Variants in CNTN4 observed in about 807,000 individuals in gnomAD.
CNTN4 encodes contactin-4.
Under a neutral mutation model 122.5 loss-of-function variants are expected in CNTN4, and 77 were observed. The observed-to-expected ratio is 0.63, with a 90% CI of 0.52 to 0.76. The LOEUF is 0.76. CNTN4 is among the 30% of genes least tolerant of loss of function. The pLI is 0.00. For missense variants in CNTN4, 1,256 were observed against 1,259.1 expected (o/e 1.00, Z 0.04); for synonymous variants, 512 against 447.0 (o/e 1.15, Z -1.83).
chr3:2,715,958 A>AT (rs1273048063), intron 4 of CNTN4, among the ~76,000 whole-genome samples: 1 of 152,008 alleles, frequency 6.6e-6, no homozygotes, highest in Non-Finnish European at 1.5e-5. Context: ...ACATGTTTTA[A>AT]TTTTATTTGT....
intron 3 of CNTN4, among the ~76,000 whole-genome samples, chr3:2,381,181 T>G (rs2046006298): frequency 6.6e-6 from 1 of 152,076 alleles, no homozygotes; most frequent in Non-Finnish European, 1.5e-5. Flanking sequence ...AATTTTTTTG[T>G]ATTTTTAGTA....
chr3:2,476,084 A>G (rs1217189644), intron 3 of CNTN4, among the ~76,000 whole-genome samples: 1 of 152,208 alleles, frequency 6.6e-6, no homozygotes, highest in Admixed American at 6.5e-5. Flanking sequence ...ACAAAAAATT[A>G]ATATCCCTTT....
At chr3:2,608,959 C>G (rs927905890) in intron 4 of CNTN4, among the ~76,000 whole-genome samples, 7 of 152,202 alleles carry the variant, frequency 4.6e-5, no homozygotes, top group African/African-American at 9.7e-5. Flanking sequence ...AGAGTCTGGT[C>G]TTGTTCTCCT....
At chr3:2,916,751 G>A (rs1397326809) in intron 12 of CNTN4, among the ~76,000 whole-genome samples, 1 of 143,540 alleles carries the variant, frequency 7.0e-6, no homozygotes, top group Non-Finnish European at 1.5e-5. Context: ...CGGGCAGAGG[G>A]GCTCCTCACT....
At chr3:2,851,126 A>AT (rs995020411) in intron 7 of CNTN4, among the ~76,000 whole-genome samples, 9 of 152,246 alleles carry the variant, frequency 5.9e-5, no homozygotes, top group African/African-American at 2.2e-4. Context: ...CAGAGGGATA[A>AT]TTAACACTTA....
At chr3:2,677,564 A>T (rs2084942172) in intron 4 of CNTN4, among the ~76,000 whole-genome samples, 1 of 151,952 alleles carries the variant, frequency 6.6e-6, no homozygotes, top group African/African-American at 2.4e-5. Flanking sequence ...GTTTATCTTA[A>T]CAGGAGCTTT....
chr3:2,164,775 C>CA (rs1419409610), intron 2 of CNTN4, among the ~76,000 whole-genome samples: 1 of 152,018 alleles, frequency 6.6e-6, no homozygotes, highest in East Asian at 1.9e-4. Flanking sequence ...TCTCACCAGA[C>CA]ACAGTTTGCT....
intron 4 of CNTN4, among the ~76,000 whole-genome samples, chr3:2,629,185 A>G (rs2600320): frequency 0.3 from 45,020 of 151,854 alleles, 7,181 homozygotes; most frequent in African/African-American, 0.42. Flanking sequence ...AAGGGGAAGG[A>G]ACATCAGGGA....
chr3:2,583,965 C>T (rs532978895), intron 4 of CNTN4, among the ~76,000 whole-genome samples: 1 of 152,226 alleles, frequency 6.6e-6, no homozygotes, highest in South Asian at 2.1e-4. Flanking sequence ...TTGGTACAGC[C>T]CACAGTGGAT....
At chr3:2,934,075 C>CA (rs1467097877) in intron 13 of CNTN4, among the ~76,000 whole-genome samples, 9 of 152,160 alleles carry the variant, frequency 5.9e-5, no homozygotes, top group Middle Eastern at 3.4e-3. Context: ...CCAAGACCCT[C>CA]AAAAAAATAA....
At chr3:2,305,676 A>G (rs1320018280) in intron 2 of CNTN4, among the ~76,000 whole-genome samples, 4 of 152,180 alleles carry the variant, frequency 2.6e-5, no homozygotes, top group Admixed American at 6.5e-5. Context: ...TTTTTAAAGT[A>G]CGCAAGTCAG....
intron 4 of CNTN4, among the ~76,000 whole-genome samples, chr3:2,591,071 T>C (rs577512320): frequency 8.5e-5 from 13 of 152,272 alleles, no homozygotes; most frequent in South Asian, 6.2e-4. Flanking sequence ...ACCATCACAA[T>C]ATTTCTTACA....
At chr3:2,798,126 T>C (rs1451252733) in intron 6 of CNTN4, among the ~76,000 whole-genome samples, 2 of 150,076 alleles carry the variant, frequency 1.3e-5, no homozygotes, top group South Asian at 2.1e-4. Context: ...TCTATGTTGA[T>C]ATGTACACAC....
intron 6 of CNTN4, among the ~76,000 whole-genome samples, chr3:2,811,540 A>G (rs1194038926): frequency 6.6e-6 from 1 of 151,226 alleles, no homozygotes; most frequent in Non-Finnish European, 1.5e-5. Context: ...AGCTCACTGC[A>G]AGCTCCACCT....
chr3:2,338,725 GAA>G (rs1244247453), intron 2 of CNTN4, among the ~76,000 whole-genome samples: 1 of 152,072 alleles, frequency 6.6e-6, no homozygotes, highest in Non-Finnish European at 1.5e-5. Context: ...CAATTTATGT[GAA>G]GAGTGTTTGT....
chr3:2,843,921 C>T (rs1350127668), intron 7 of CNTN4, among the ~76,000 whole-genome samples: 1 of 152,196 alleles, frequency 6.6e-6, no homozygotes, highest in Non-Finnish European at 1.5e-5. Context: ...AAAAGCCCTC[C>T]AAAGGCTTTA....
Position 2,925,749 on chromosome 3 carries a change from A to C in CNTN4, c.1328A>C (p.Lys443Thr). ...CCAAAACCTGTTTACACCTGGAAGA[A>C]AGGAAGGGATATATTAAAAGAAAAT... is the stretch of plus-strand genomic sequence containing the variant. ...ASPKPVYTWK[K>T]GRDILKENER... is the part of the protein sequence containing the mutation. Residue 443 changes from lysine (K) to threonine (T), a missense_variant, in exon 13 of 25, where the codon AAA (lysine) becomes ACA (threonine). Transcript: ENST00000418658. 1 of 1,613,862 alleles carries C rather than the reference A, an allele frequency of 6.2e-7. No individual in the cohort carries two copies. Among genetic ancestry groups the C allele is most frequent in the Non-Finnish European group, 8.5e-7 (1 of 1,179,774 alleles).
At chr3:2,439,324 C>G (rs998295557) in intron 3 of CNTN4, among the ~76,000 whole-genome samples, 15 of 152,120 alleles carry the variant, frequency 9.9e-5, no homozygotes, top group Non-Finnish European at 2.1e-4. Flanking sequence ...TAAGACTTTC[C>G]AATTTATTAT....
intron 6 of CNTN4, among the ~76,000 whole-genome samples, chr3:2,807,741 A>G (rs752988758): frequency 2.0e-5 from 3 of 152,178 alleles, no homozygotes; most frequent in Non-Finnish European, 4.4e-5. Flanking sequence ...CTACTTTAAT[A>G]GTTCAAAATC....
Sources: gnomAD v4.1 joint callset for allele counts (sites outside exome capture counted in the v4.1 genomes callset) on GRCh38, gnomAD v4.1.1 for gene constraint, MANE v1.5 for transcripts, NCBI Gene and HGNC (gene_info 2026-07-23, HGNC 2026-07-21) for gene names.